CLASP1: variants seen among roughly 807,000 people sequenced by gnomAD.
CLASP1 encodes CLIP-associating protein 1.
Under a neutral mutation model 192.3 loss-of-function variants are expected in CLASP1, and 38 were observed. The ratio of observed to expected loss-of-function variants is 0.20; its 90% CI spans 0.15 to 0.26. The LOEUF is 0.26. Among genes scored for constraint, CLASP1 ranks in the 10% least tolerant of loss-of-function variants. CLASP1 has a pLI of 1.00. For missense variants in CLASP1, 1,433 were observed against 1,932.5 expected (o/e 0.74, Z 4.85); for synonymous variants, 691 against 712.8 (o/e 0.97, Z 0.49).
chr2:121,572,874 A>G (rs183072855), intron 2 of CLASP1, among the ~76,000 whole-genome samples: 1 of 152,192 alleles, frequency 6.6e-6, no homozygotes, highest in Non-Finnish European at 1.5e-5. Flanking sequence ...CTTCTGACCA[A>G]TGAGAAAAGG....
chr2:121,367,287 C>A (rs890831701), intron 35 of CLASP1, among the ~76,000 whole-genome samples: 3 of 152,198 alleles, frequency 2.0e-5, no homozygotes, highest in Non-Finnish European at 4.4e-5. Context: ...ACAGCAAAAC[C>A]TTCCTGATGG....
At chr2:121,499,699 G>A (rs1348647874) in intron 8 of CLASP1, among the ~76,000 whole-genome samples, 1 of 151,862 alleles carries the variant, frequency 6.6e-6, no homozygotes, top group Non-Finnish European at 1.5e-5. Flanking sequence ...TCAGATAAGG[G>A]CATTTGACTT....
At chr2:121,582,256 GACAGA>G (rs1201298833) in intron 2 of CLASP1, among the ~76,000 whole-genome samples, 1 of 149,974 alleles carries the variant, frequency 6.7e-6, no homozygotes, top group Non-Finnish European at 1.5e-5. Context: ...GACAGGACAG[GACAGA>G]ACAGGACAGG....
At chr2:121,511,315 G>T (rs2150318733) in intron 7 of CLASP1, among the ~76,000 whole-genome samples, 1 of 152,208 alleles carries the variant, frequency 6.6e-6, no homozygotes, top group South Asian at 2.1e-4. Flanking sequence ...GCAGTCAGGG[G>T]CAGTGGCTCA....
At position 121,401,491 on chromosome 2, in the gene CLASP1, T is replaced by C. The variant is rs1434408475; in HGVS notation, c.2900+18A>G. ...GTATCCTGTAACATCAAAATGGACC[T>C]AACCCTTAAACACTTACCTTGTGAC... On this transcript the variant is annotated intron_variant, in intron 28 of 39. Transcript: ENST00000263710. The C allele has an allele frequency of 1.3e-6, 2 of 1,592,368 alleles. No homozygotes were observed. The highest frequency in any genetic ancestry group is 1.7e-6 in the Non-Finnish European group (2 of 1,171,444).
chr2:121,605,385 T>C (rs2064303156), intron 2 of CLASP1, among the ~76,000 whole-genome samples: 1 of 152,222 alleles, frequency 6.6e-6, no homozygotes, highest in Non-Finnish European at 1.5e-5. Context: ...ACCTATTTGC[T>C]GCAAAACATA....
intron 19 of CLASP1, among the ~76,000 whole-genome samples, chr2:121,445,227 G>A (rs1178872285): frequency 6.6e-6 from 1 of 152,156 alleles, no homozygotes; most frequent in African/African-American, 2.4e-5. Flanking sequence ...TGCCACAGTT[G>A]AAAGAAAGAT....
intron 1 of CLASP1, among the ~76,000 whole-genome samples, chr2:121,646,316 T>C (rs761415219): frequency 5.9e-5 from 9 of 152,222 alleles, no homozygotes; most frequent in African/African-American, 1.9e-4. Context: ...GGTTTCACCA[T>C]GTTGCCCAGG....
chr2:121,348,564 G>C, exon 38 of CLASP1: 2 of 1,613,420 alleles, frequency 1.2e-6, no homozygotes, highest in East Asian at 2.2e-5. Flanking sequence ...TGACTCCTTT[G>C]CGATCCTCTC....
At chr2:121,496,425 A>AACTGAGCT (rs1249911458) in intron 8 of CLASP1, among the ~76,000 whole-genome samples, 9 of 152,190 alleles carry the variant, frequency 5.9e-5, no homozygotes, top group Admixed American at 3.3e-4. Context: ...TGTTTTGCTC[A>AACTGAGCT]GTTCTCTGTC....
chr2:121,625,309 C>T (rs946282339), intron 1 of CLASP1, among the ~76,000 whole-genome samples: 1 of 152,074 alleles, frequency 6.6e-6, no homozygotes, highest in Non-Finnish European at 1.5e-5. Flanking sequence ...GCAAGTCTCC[C>T]TTCAAAAATA....
chr2:121,441,482 T>C (rs998332671), intron 19 of CLASP1, among the ~76,000 whole-genome samples: 3 of 152,156 alleles, frequency 2.0e-5, no homozygotes, highest in South Asian at 4.1e-4. Context: ...TCCCAGCACT[T>C]TGGGAGGCTG....
intron 15 of CLASP1, 109 bp from the exon 16 acceptor site, chr2:121,451,099 C>T: frequency 1.3e-6 from 1 of 781,488 alleles, no homozygotes; most frequent in Non-Finnish European, 2.2e-6. Flanking sequence ...CTGGGAGCCT[C>T]TGTGCCAAGG....
chr2:121,486,644 C>T (rs2092996075), intron 8 of CLASP1, among the ~76,000 whole-genome samples: 1 of 152,162 alleles, frequency 6.6e-6, no homozygotes, highest in Admixed American at 6.5e-5. Context: ...ACTACATAGG[C>T]ACAAAAGTAA....
intron 1 of CLASP1, among the ~76,000 whole-genome samples, chr2:121,610,597 G>A: frequency 6.7e-6 from 1 of 148,822 alleles, no homozygotes; most frequent in African/African-American, 2.5e-5. Flanking sequence ...GAAGGAGGAG[G>A]AGGAGTTGCA....
chr2:121,385,568 C>T (rs1309251945), intron 32 of CLASP1, among the ~76,000 whole-genome samples: 1 of 152,190 alleles, frequency 6.6e-6, no homozygotes, highest in African/African-American at 2.4e-5. Flanking sequence ...ATGAATGATA[C>T]TAACAGCACT....
chr2:121,527,108 C>G (rs1327430989), intron 5 of CLASP1, among the ~76,000 whole-genome samples: 1 of 152,148 alleles, frequency 6.6e-6, no homozygotes, highest in Non-Finnish European at 1.5e-5. Context: ...AATGAACTTA[C>G]CAAATCACCC....
intron 2 of CLASP1, among the ~76,000 whole-genome samples, chr2:121,553,386 A>G (rs896928798): frequency 5.9e-5 from 9 of 152,286 alleles, no homozygotes; most frequent in Admixed American, 2.6e-4. Flanking sequence ...AATAAAATAA[A>G]ATAGCAAGGT....
At chr2:121,405,231 C>T (rs1461240768) in intron 25 of CLASP1, among the ~76,000 whole-genome samples, 1 of 152,158 alleles carries the variant, frequency 6.6e-6, no homozygotes, top group South Asian at 2.1e-4. Flanking sequence ...ATTGTTTGAA[C>T]CCAGGAGGCA....
Sources: allele counts gnomAD v4.1 joint callset (sites outside exome capture counted in the v4.1 genomes callset), GRCh38; gene constraint gnomAD v4.1.1; transcripts MANE v1.5; gene names NCBI Gene and HGNC (gene_info 2026-07-23, HGNC 2026-07-21).